Variants in LRRC49 observed in about 807,000 individuals in gnomAD.
LRRC49 encodes the protein leucine-rich repeat-containing protein 49.
Under a neutral mutation model 83.3 loss-of-function variants are expected in LRRC49, and 50 were observed. The ratio of observed to expected loss-of-function variants is 0.60; its 90% confidence interval spans 0.48 to 0.76. The LOEUF is 0.76. Ranked by LOEUF, LRRC49 falls within the 30% of genes least tolerant of loss-of-function variation. The pLI is 0.00. For synonymous variants in LRRC49, 286 were observed against 283.3 expected, an observed-to-expected ratio of 1.01 and a Z score of -0.10; for missense variants, 704 against 809.1, an observed-to-expected ratio of 0.87 and a Z score of 1.58.
At chr15:71,029,871 G>A (rs1225158020) in intron 14 of LRRC49, among the ~76,000 whole-genome samples, 4 of 151,986 alleles carry the variant, frequency 2.6e-5, no homozygotes, top group African/African-American at 9.7e-5. Flanking sequence ...CCATTTGCTT[G>A]GTAAATATTT....
chr15:70,975,340 C>T (rs537761933), intron 9 of LRRC49, among the ~76,000 whole-genome samples: 23 of 152,220 alleles, frequency 1.5e-4, no homozygotes, highest in Non-Finnish European at 2.6e-4. Flanking sequence ...TTCTGGGAGG[C>T]AGAATTTTCC....
At chr15:70,889,558 CAA>C (rs1158545276), upstream of LRRC49, among the ~76,000 whole-genome samples, 1 of 152,042 alleles carries the variant, frequency 6.6e-6, no homozygotes, top group African/African-American at 2.4e-5. Context: ...TGCTATAGTT[CAA>C]GTCAACAATT....
chr15:70,861,363 G>A (rs2032783555), intron 1 of LRRC49, among the ~76,000 whole-genome samples: 3 of 109,426 alleles, frequency 2.7e-5, no homozygotes, highest in Admixed American at 1.0e-4. Flanking sequence ...GGAATAGAAT[G>A]TAGTTCCCCC....
intron 13 of LRRC49, among the ~76,000 whole-genome samples, chr15:71,011,432 T>C (rs1026903910): frequency 6.6e-6 from 1 of 152,118 alleles, no homozygotes; most frequent in African/African-American, 2.4e-5. Context: ...TTATATAAAG[T>C]GGAGAAGAAT....
At chr15:70,868,101 C>T (rs903769488) in intron 1 of LRRC49, among the ~76,000 whole-genome samples, 3 of 152,100 alleles carry the variant, frequency 2.0e-5, no homozygotes, top group South Asian at 2.1e-4. Flanking sequence ...CCAGACTATT[C>T]CATTTTGCAA....
chr15:70,860,055 G>C (rs574382855), intron 1 of LRRC49: 7 of 736,894 alleles, frequency 9.5e-6, no homozygotes, highest in African/African-American at 5.1e-5. Context: ...TCTGGCGCAG[G>C]CTCCAGCTCC....
intron 9 of LRRC49, among the ~76,000 whole-genome samples, chr15:70,976,519 T>C (rs530354238): frequency 8.5e-5 from 13 of 152,338 alleles, no homozygotes; most frequent in Non-Finnish European, 1.6e-4. Flanking sequence ...TTTTCTTGTG[T>C]GATATGTGCA....
Position 71,009,837 on chromosome 15 carries a change from A to C in LRRC49, c.1438A>C (p.Met480Leu). 1 of 1,612,006 alleles carries C rather than the reference A, an allele frequency of 6.2e-7. No homozygotes were observed. The highest frequency in any genetic ancestry group is 8.5e-7 in the Non-Finnish European group (1 of 1,178,662). Residue 480 changes from methionine to leucine, a missense_variant, in exon 13 of 16, where the codon ATG becomes CTG. By Grantham distance (15) the Met-to-Leu change is conservative. Around this residue, in one of 3 missense-constraint regions of LRRC49, gnomAD observed 275 missense variants for 338.0 expected, o/e 0.81. Transcript: ENST00000260382. ...HLKFKETNLV[M>L]LQQFNALAQL... ...TAAATTCAAGGAAACAAATCTTGTA[A>C]TGCTGCAGCAATTTAACGCACTAGC...
At chr15:71,031,076 G>A (rs1019506261) in intron 14 of LRRC49, among the ~76,000 whole-genome samples, 1 of 152,050 alleles carries the variant, frequency 6.6e-6, no homozygotes, top group African/African-American at 2.4e-5. Flanking sequence ...ATTTGGAGAA[G>A]GGGCATTCTG....
intron 2 of LRRC49, among the ~76,000 whole-genome samples, chr15:70,876,735 C>T (rs1311880838): frequency 1.3e-5 from 2 of 152,020 alleles, no homozygotes; most frequent in Non-Finnish European, 2.9e-5. Context: ...CATTTTTTGC[C>T]TTTCCTCACT....
At chr15:70,882,805 T>C (rs1428691085) in intron 2 of LRRC49, 2 of 1,614,218 alleles carry the variant, frequency 1.2e-6, no homozygotes, top group Non-Finnish European at 8.5e-7. Flanking sequence ...TTGTGTACTT[T>C]TATGCACTGG....
intron 14 of LRRC49, among the ~76,000 whole-genome samples, chr15:71,027,308 G>A (rs1476820988): frequency 6.6e-6 from 1 of 152,144 alleles, no homozygotes; most frequent in Non-Finnish European, 1.5e-5. Flanking sequence ...CTATATGTCT[G>A]TTTTGGTACC....
chr15:71,009,781 T>G (rs755169810), intron 12 of LRRC49, 26 bp from the exon 13 acceptor site: 6 of 1,501,934 alleles, frequency 4.0e-6, no homozygotes, highest in Non-Finnish European at 5.5e-6. Context: ...AATGTTCTGA[T>G]CTGTATTTGT....
chr15:71,032,708 T>C (rs571722952), intron 14 of LRRC49, among the ~76,000 whole-genome samples: 7 of 152,204 alleles, frequency 4.6e-5, no homozygotes, highest in African/African-American at 1.7e-4. Flanking sequence ...TGGTTCAACA[T>C]AGGCAAATCA....
intron 15 of LRRC49, among the ~76,000 whole-genome samples, chr15:71,049,162 A>G (rs2039945350): frequency 6.6e-6 from 1 of 152,094 alleles, no homozygotes; most frequent in Admixed American, 6.6e-5. Flanking sequence ...AAAGAAACAC[A>G]TTTTCTAGCA....
In LRRC49 at chr15:71,035,845, T is replaced by G. The variant is rs551411191; in HGVS notation, c.1704-1334T>G. On this transcript the variant is annotated intron_variant, in intron 14 of 15. Coordinates refer to ENST00000260382, the MANE Select transcript of LRRC49 (RefSeq NM_017691.5). The stretch of plus-strand genomic sequence containing the variant: ...TATAATAGAATGACTTATATTCTTT[T>G]GGGTATATACCCACTAATGGAATTG... Among the ~76,000 whole-genome samples the G allele has an allele frequency of 1.2e-4, 18 of 152,344 alleles. No homozygotes were observed. The South Asian group carries it at 3.1e-3, about 26-fold the overall frequency.
chr15:70,884,769 T>C (rs1229396263), intron 2 of LRRC49, among the ~76,000 whole-genome samples: 1 of 152,170 alleles, frequency 6.6e-6, no homozygotes, highest in East Asian at 1.9e-4. Context: ...TTAATCAGGG[T>C]TAAAAAAATA....
chr15:70,953,284 T>C (rs568543493), intron 8 of LRRC49, among the ~76,000 whole-genome samples: 8 of 152,178 alleles, frequency 5.3e-5, no homozygotes, highest in Non-Finnish European at 1.0e-4. Context: ...TTAATTTCCA[T>C]GTTTAGCACT....
chr15:70,892,660 G>T (rs1269883176), upstream of LRRC49: 5 of 1,447,238 alleles, frequency 3.5e-6, no homozygotes, highest in Non-Finnish European at 4.5e-6. Flanking sequence ...TTTTTATGAG[G>T]CTGGGAAAAT....
Sources: allele counts gnomAD v4.1 joint callset (sites outside exome capture counted in the v4.1 genomes callset), GRCh38; gene constraint gnomAD v4.1.1; regional missense constraint gnomAD v4.1.1; transcripts MANE v1.5; gene names NCBI Gene and HGNC (gene_info 2026-07-23, HGNC 2026-07-21).